SLC9C1: variants seen among roughly 807,000 people sequenced by gnomAD.
SLC9C1 encodes solute carrier family 9 member C1.
Under a neutral mutation model 140.9 loss-of-function variants are expected in SLC9C1, and 97 were observed. The observed-to-expected ratio is 0.69, with a 90% CI of 0.58 to 0.82. The LOEUF (loss-of-function observed/expected upper bound fraction) is 0.82, where lower values mean the gene tolerates loss of function less well. Ranked by LOEUF, SLC9C1 falls within the 40% of genes least tolerant of loss-of-function variation. The pLI is 0.00. For missense variants in SLC9C1, 1,340 were observed against 1,389.3 expected (o/e 0.96, Z 0.56); for synonymous variants, 440 against 442.6 (o/e 0.99, Z 0.07).
chr3:112,166,938 C>T (rs529946659), intron 26 of SLC9C1, among the ~76,000 whole-genome samples: 2 of 152,160 alleles, frequency 1.3e-5, no homozygotes, highest in African/African-American at 4.8e-5. Context: ...TGCTATGTAA[C>T]ATATCTTAAT....
chr3:112,238,396 G>A (rs1328694358), intron 12 of SLC9C1, among the ~76,000 whole-genome samples: 4 of 152,162 alleles, frequency 2.6e-5, no homozygotes, highest in Admixed American at 6.6e-5. Context: ...TCTGCGATGG[G>A]TTCGAACTTC....
At chr3:112,160,736 G>A (rs202146088) in intron 26 of SLC9C1, among the ~76,000 whole-genome samples, 44,157 of 149,660 alleles carry the variant, frequency 0.3, 7,087 homozygotes, top group East Asian at 0.42. Flanking sequence ...ACATACGTGT[G>A]CATGTGTCTT....
intron 26 of SLC9C1, among the ~76,000 whole-genome samples, chr3:112,166,848 G>T (rs997046877): frequency 2.8e-4 from 42 of 151,940 alleles, no homozygotes; most frequent in Non-Finnish European, 2.9e-5. Context: ...AGAAGAATAG[G>T]CTTTATATCA....
intron 10 of SLC9C1, among the ~76,000 whole-genome samples, chr3:112,255,649 C>G (rs1020957756): frequency 1.3e-5 from 2 of 152,014 alleles, no homozygotes; most frequent in African/African-American, 4.8e-5. Flanking sequence ...AGTTAACAAC[C>G]TAAAATCACA....
intron 2 of SLC9C1, among the ~76,000 whole-genome samples, chr3:112,282,945 CAT>C (rs1407286404): frequency 9.2e-5 from 14 of 152,040 alleles, no homozygotes; most frequent in Non-Finnish European, 1.6e-4. Context: ...TATACACAAA[CAT>C]AAAAATTGAT....
At chr3:112,156,635 T>A (rs958743165) in intron 26 of SLC9C1, among the ~76,000 whole-genome samples, 2 of 152,150 alleles carry the variant, frequency 1.3e-5, no homozygotes, top group African/African-American at 4.8e-5. Context: ...CTACTTTACA[T>A]CTCCACCAAT....
intron 26 of SLC9C1, among the ~76,000 whole-genome samples, chr3:112,165,061 A>G (rs1404719043): frequency 6.6e-6 from 1 of 152,234 alleles, no homozygotes; most frequent in Non-Finnish European, 1.5e-5. Context: ...CAGTTGATCA[A>G]ATCGGCTACT....
intron 6 of SLC9C1, among the ~76,000 whole-genome samples, chr3:112,270,745 G>A (rs2108315880): frequency 6.6e-6 from 1 of 151,520 alleles, no homozygotes; most frequent in Middle Eastern, 3.4e-3. Context: ...GAATCTGGGA[G>A]GCAGAGGTTG....
intron 27 of SLC9C1, 33 bp from the exon 28 acceptor site, chr3:112,151,996 A>C: frequency 2.5e-4 from 378 of 1,537,336 alleles, no homozygotes; most frequent in Non-Finnish European, 3.0e-4. Flanking sequence ...ACTTGATGTC[A>C]TGATAGGCCT....
intron 13 of SLC9C1, 60 bp from the exon 14 acceptor site, chr3:112,221,285 A>G (rs1050864261): frequency 7.2e-7 from 1 of 1,384,498 alleles, no homozygotes; most frequent in African/African-American, 1.4e-5. Flanking sequence ...ACTTATTACA[A>G]TCTTGATGGG....
chr3:112,193,689 T>C (rs1186802979), intron 20 of SLC9C1, among the ~76,000 whole-genome samples: 1 of 151,834 alleles, frequency 6.6e-6, no homozygotes, highest in Non-Finnish European at 1.5e-5. Flanking sequence ...GTTTTTCAGG[T>C]CTTGGGTGGG....
chr3:112,141,985 C>T (rs551721401), intron 28 of SLC9C1, among the ~76,000 whole-genome samples: 1 of 152,296 alleles, frequency 6.6e-6, no homozygotes, highest in East Asian at 1.9e-4. Context: ...GTTCTGTAGA[C>T]AATCTCGTTG....
chr3:112,211,575 G>A (rs147773937), intron 15 of SLC9C1, among the ~76,000 whole-genome samples: 1,853 of 152,320 alleles, frequency 0.012, 16 homozygotes, highest in Middle Eastern at 0.02. Context: ...CACCTGGCTC[G>A]GAGGGTCCCA....
Position 112,208,266 on chromosome 3 carries a change from A to T in SLC9C1, c.1898T>A (p.Ile633Lys), listed in dbSNP as rs760004235. The change falls in exon 16 of 29, where the codon ATA becomes AAA. Residue 633 changes from isoleucine (I) to lysine (K), a missense_variant. Physicochemically the swap from Ile to Lys is moderately radical, Grantham distance 102. Coordinates refer to ENST00000305815, the MANE Select transcript of SLC9C1 (RefSeq NM_183061.3). ...GTGGTAGATTACATTTAACTGGGAT[A>T]TCCAAGAGATTATAAAGGGAAATAT... is the stretch of plus-strand genomic sequence containing the variant. ...MNIFPFIISW[I>K]SQLNVIYHSE... is the part of the protein sequence containing the mutation. The T allele has an allele frequency of 6.2e-7, 1 of 1,611,384 alleles. No homozygotes were observed. Among genetic ancestry groups the T allele is most frequent in the Admixed American group, 1.7e-5 (1 of 59,636 alleles).
intron 28 of SLC9C1, among the ~76,000 whole-genome samples, chr3:112,142,186 T>A (rs1032654504): frequency 6.6e-6 from 1 of 152,224 alleles, no homozygotes; most frequent in South Asian, 2.1e-4. Context: ...AGAAAACCAA[T>A]ATCCCTCAGT....
chr3:112,217,773 T>C (rs1430100054), intron 14 of SLC9C1, among the ~76,000 whole-genome samples: 2 of 152,090 alleles, frequency 1.3e-5, no homozygotes, highest in Non-Finnish European at 2.9e-5. Flanking sequence ...TATTAAAAAT[T>C]GGAGATACAT....
At chr3:112,168,581 A>G (rs973092072) in intron 25 of SLC9C1, among the ~76,000 whole-genome samples, 3 of 152,302 alleles carry the variant, frequency 2.0e-5, no homozygotes, top group Middle Eastern at 3.4e-3. Context: ...CTCTTTTGCA[A>G]TGAATAACTG....
At chr3:112,158,242 T>A (rs902868904) in intron 26 of SLC9C1, among the ~76,000 whole-genome samples, 4 of 152,078 alleles carry the variant, frequency 2.6e-5, no homozygotes, top group African/African-American at 9.7e-5. Context: ...ATGTTGAATT[T>A]TATTGAATAC....
Position 112,277,864 on chromosome 3 carries a change from CA to C in SLC9C1, c.319-5del. On this transcript the variant is annotated splice_region_variant and splice_polypyrimidine_tract_variant and intron_variant, in intron 4 of 28. Coordinates refer to ENST00000305815, the MANE Select transcript of SLC9C1 (RefSeq NM_183061.3). The stretch of plus-strand genomic sequence containing the variant: ...CGGGAATTGAAATTAAAAGTATCTG[CA>C]AAGAAATTTTACAATTAGAAAAATC... 6.3e-7 allele frequency: 1 copy of C among 1,589,366 alleles called. No individual in the cohort carries two copies. The highest frequency in any genetic ancestry group is 1.9e-5 in the Admixed American group (1 of 53,940).
Sources: allele counts gnomAD v4.1 joint callset (sites outside exome capture counted in the v4.1 genomes callset), GRCh38; gene constraint gnomAD v4.1.1; transcripts MANE v1.5; gene names NCBI Gene and HGNC (gene_info 2026-07-23, HGNC 2026-07-21).